Variants in ATXN1 observed in about 807,000 individuals in gnomAD.
ATXN1 encodes the protein ataxin-1.
Under a neutral mutation model 56.4 loss-of-function variants are expected in ATXN1, and 8 were observed. The observed-to-expected ratio is 0.14, with a 90% confidence interval of 0.08 to 0.26. The LOEUF is 0.26. ATXN1 is among the 10% of genes least tolerant of loss of function. The pLI, the probability that ATXN1 is intolerant of heterozygous loss-of-function variation, is 1.00. For missense variants in ATXN1, 987 were observed against 1,106.5 expected (o/e 0.89, Z 1.53); for synonymous variants, 514 against 494.6 (o/e 1.04, Z -0.52).
At chr6:16,582,259 C>T (rs236967) in intron 4 of ATXN1, among the ~76,000 whole-genome samples, 1,740 of 152,280 alleles carry the variant, frequency 0.011, 24 homozygotes, top group African/African-American at 0.04. Flanking sequence ...CCTGTTCCCC[C>T]AAACCAGTTA....
At chr6:16,310,750 G>A (rs1473995153) in intron 7 of ATXN1, among the ~76,000 whole-genome samples, 2 of 152,202 alleles carry the variant, frequency 1.3e-5, no homozygotes, top group Non-Finnish European at 2.9e-5. Flanking sequence ...GTCTCCCAAA[G>A]TGCTGGGATT....
rs149901340 is a variant in ATXN1, at chr6:16,718,575, C to T, written c.-615+34658G>A. On this transcript the variant is annotated intron_variant, in intron 2 of 7. Coordinates refer to ENST00000436367, the MANE Select transcript of ATXN1 (RefSeq NM_001128164.2). ...TACTTCCCATTTGCAAAGCGTTTCG[C>T]TGGAAATGCTGTGTTGAGTTACACC... Among the ~76,000 whole-genome samples the T allele has an allele frequency of 2.9e-3, 446 of 152,348 alleles. 1 individual carries two copies. The highest frequency in any genetic ancestry group is 4.6e-3 in the Non-Finnish European group (310 of 68,032).
At chr6:16,444,596 T>C (rs991478889) in intron 6 of ATXN1, among the ~76,000 whole-genome samples, 2 of 152,140 alleles carry the variant, frequency 1.3e-5, no homozygotes, top group African/African-American at 4.8e-5. Context: ...ATCGTGCAAA[T>C]TGGTAAATAG....
In ATXN1 at chr6:16,732,353, T is replaced by A. The variant is rs550489105; in HGVS notation, c.-615+20880A>T. On this transcript the variant is annotated intron_variant, in intron 2 of 7. Coordinates refer to ENST00000436367, the MANE Select transcript of ATXN1 (RefSeq NM_001128164.2). ...TAGGAGGCCGAGGCAGGTGGATCACTTGAGGTCAGGAGTTTGAGACCAGCC... is the reference window on the plus strand; with the variant it reads ...TAGGAGGCCGAGGCAGGTGGATCACATGAGGTCAGGAGTTTGAGACCAGCC... 3.3e-5 allele frequency among the ~76,000 whole-genome samples: 5 copies of A among 152,170 alleles called. No individual in the cohort carries two copies. In the East Asian group the frequency reaches 9.7e-4, roughly 29 times the overall value.
intron 6 of ATXN1, among the ~76,000 whole-genome samples, chr6:16,482,882 C>G (rs1310646120): frequency 1.3e-5 from 2 of 152,010 alleles, no homozygotes; most frequent in African/African-American, 4.8e-5. Flanking sequence ...TTTAGGAACC[C>G]AAGAAGGTAA....
chr6:16,570,092 C>A (rs984696910), intron 4 of ATXN1, among the ~76,000 whole-genome samples: 7 of 152,352 alleles, frequency 4.6e-5, no homozygotes, highest in African/African-American at 1.7e-4. Flanking sequence ...GTTATTGCAA[C>A]ATCCTTGCCC....
intron 6 of ATXN1, among the ~76,000 whole-genome samples, chr6:16,376,837 T>C (rs1252307440): frequency 6.6e-6 from 1 of 152,228 alleles, no homozygotes; most frequent in East Asian, 1.9e-4. Flanking sequence ...GTCTTTAGAA[T>C]TGTTCAATTT....
chr6:16,444,758 C>A (rs1759599331), intron 6 of ATXN1, among the ~76,000 whole-genome samples: 1 of 152,024 alleles, frequency 6.6e-6, no homozygotes, highest in Admixed American at 6.5e-5. Flanking sequence ...ATTTGCAATC[C>A]CTGATAAATT....
At chr6:16,396,144 A>T (rs370961) in intron 6 of ATXN1, among the ~76,000 whole-genome samples, 3 of 152,158 alleles carry the variant, frequency 2.0e-5, no homozygotes, top group Admixed American at 6.5e-5. Flanking sequence ...ATTGCCTCTG[A>T]AGACCTTACA....
At chr6:16,351,626 C>T (rs1324067602) in intron 6 of ATXN1, among the ~76,000 whole-genome samples, 2 of 152,250 alleles carry the variant, frequency 1.3e-5, no homozygotes, top group South Asian at 4.1e-4. Context: ...TTGTCTTGAA[C>T]TCTTGGGCTC....
At chr6:16,396,507 T>C (rs886146603) in intron 6 of ATXN1, among the ~76,000 whole-genome samples, 1 of 152,210 alleles carries the variant, frequency 6.6e-6, no homozygotes, top group Non-Finnish European at 1.5e-5. Flanking sequence ...AGTGCTATTA[T>C]GAAAGTTATC....
chr6:16,364,885 G>A (rs1761886170), intron 6 of ATXN1, among the ~76,000 whole-genome samples: 1 of 152,198 alleles, frequency 6.6e-6, no homozygotes, highest in Admixed American at 6.5e-5. Context: ...CTCCTTCAAG[G>A]AGCTTCCAGT....
intron 3 of ATXN1, among the ~76,000 whole-genome samples, chr6:16,596,886 C>T (rs991245408): frequency 2.6e-5 from 4 of 152,192 alleles, no homozygotes; most frequent in Non-Finnish European, 4.4e-5. Context: ...TGCACAGGAG[C>T]TGTTCAAACA....
At chr6:16,736,098 A>T (rs1760119729) in intron 2 of ATXN1, among the ~76,000 whole-genome samples, 1 of 152,252 alleles carries the variant, frequency 6.6e-6, no homozygotes, top group Non-Finnish European at 1.5e-5. Flanking sequence ...GCTGATATTC[A>T]TGGCTAAACT....
chr6:16,661,883 A>T (rs551838790), intron 2 of ATXN1, among the ~76,000 whole-genome samples: 25 of 152,312 alleles, frequency 1.6e-4, no homozygotes, highest in Non-Finnish European at 2.6e-4. Context: ...TAACAACTTG[A>T]CTACAACCTC....
intron 6 of ATXN1, among the ~76,000 whole-genome samples, chr6:16,461,273 G>A (rs1291065445): frequency 6.6e-6 from 1 of 152,186 alleles, no homozygotes; most frequent in African/African-American, 2.4e-5. Context: ...TTCTCCCCTT[G>A]GGGTGGTTAA....
chr6:16,346,779 G>A (rs1313042195), intron 6 of ATXN1, among the ~76,000 whole-genome samples: 1 of 152,158 alleles, frequency 6.6e-6, no homozygotes, highest in East Asian at 1.9e-4. Flanking sequence ...TCCCACTTTG[G>A]CGGCTCTTGA....
intron 6 of ATXN1, among the ~76,000 whole-genome samples, chr6:16,482,886 A>T (rs1760468179): frequency 6.6e-6 from 1 of 152,154 alleles, no homozygotes; most frequent in Admixed American, 6.5e-5. Flanking sequence ...GGAACCCAAG[A>T]AGGTAAAATA....
intron 2 of ATXN1, among the ~76,000 whole-genome samples, chr6:16,671,880 T>G (rs1235905283): frequency 2.6e-5 from 4 of 152,182 alleles, no homozygotes; most frequent in Admixed American, 2.6e-4. Context: ...TAAGTACATG[T>G]TTATTCTAAC....
Sources: gnomAD v4.1 joint callset for allele counts (sites outside exome capture counted in the v4.1 genomes callset) on GRCh38, gnomAD v4.1.1 for gene constraint, MANE v1.5 for transcripts, NCBI Gene and HGNC (gene_info 2026-07-23, HGNC 2026-07-21) for gene names.